Variants in ZNF804B observed in about 807,000 individuals in gnomAD.
ZNF804B encodes the protein zinc finger 804B.
In ZNF804B, 80 loss-of-function variants were observed where a neutral mutation model predicts 101.4. That is an observed-to-expected ratio of 0.79 (90% CI 0.66 to 0.95). ZNF804B has a LOEUF of 0.95. Among genes scored for constraint, ZNF804B ranks in the 40% least tolerant of loss-of-function variants. The pLI, the probability that ZNF804B is intolerant of heterozygous loss-of-function variation, is 0.00. For missense variants in ZNF804B, 1,673 were observed against 1,561.9 expected (o/e 1.07, Z -1.20); for synonymous variants, 622 against 558.8 (o/e 1.11, Z -1.59).
chr7:89,288,449 A>G (rs1024311320), intron 2 of ZNF804B, among the ~76,000 whole-genome samples: 13 of 152,186 alleles, frequency 8.5e-5, no homozygotes, highest in Non-Finnish European at 1.5e-4. Flanking sequence ...AGCAAAAACT[A>G]CAACTAAGCA....
chr7:89,094,461 C>G (rs1366521687), intron 1 of ZNF804B, among the ~76,000 whole-genome samples: 1 of 152,082 alleles, frequency 6.6e-6, no homozygotes, highest in Non-Finnish European at 1.5e-5. Context: ...GAATTGTCTG[C>G]TCTTTCCTGT....
At chr7:89,154,253 A>G (rs1002298406) in intron 1 of ZNF804B, among the ~76,000 whole-genome samples, 2 of 152,212 alleles carry the variant, frequency 1.3e-5, no homozygotes, top group African/African-American at 4.8e-5. Context: ...AAAGATGTAT[A>G]GAAAAGGGAA....
intron 2 of ZNF804B, among the ~76,000 whole-genome samples, chr7:89,261,333 T>C (rs1411975489): frequency 1.3e-5 from 2 of 152,208 alleles, no homozygotes. Context: ...ATGTATTTTG[T>C]GCAACATGAC....
intron 1 of ZNF804B, among the ~76,000 whole-genome samples, chr7:88,957,253 TTTA>T (rs1458894356): frequency 1.3e-5 from 2 of 151,492 alleles, no homozygotes; most frequent in Non-Finnish European, 3.0e-5. Flanking sequence ...ACAGCTTGTG[TTTA>T]TTGAGATGTC....
At chr7:89,093,735 C>G (rs768091343) in intron 1 of ZNF804B, among the ~76,000 whole-genome samples, 1 of 152,208 alleles carries the variant, frequency 6.6e-6, no homozygotes, top group Non-Finnish European at 1.5e-5. Flanking sequence ...AAGGAACTGC[C>G]AAATTATTTT....
At chr7:89,008,374 A>C (rs1404333466) in intron 1 of ZNF804B, among the ~76,000 whole-genome samples, 1 of 152,172 alleles carries the variant, frequency 6.6e-6, no homozygotes, top group African/African-American at 2.4e-5. Context: ...TATGCTCGCC[A>C]TTTCACTGAG....
chr7:88,911,580 T>G (rs529015934), intron 1 of ZNF804B, among the ~76,000 whole-genome samples: 1 of 151,338 alleles, frequency 6.6e-6, no homozygotes, highest in Non-Finnish European at 1.5e-5. Flanking sequence ...CAGAGCGATA[T>G]CTCTTTCTGG....
chr7:89,193,176 G>C (rs1788487281), intron 1 of ZNF804B, among the ~76,000 whole-genome samples: 1 of 151,842 alleles, frequency 6.6e-6, no homozygotes, highest in African/African-American at 2.4e-5. Flanking sequence ...AGAAATAAAG[G>C]GCTTCTAAAC....
At chr7:89,262,980 T>C (rs539682305) in intron 2 of ZNF804B, among the ~76,000 whole-genome samples, 1 of 128,720 alleles carries the variant, frequency 7.8e-6, no homozygotes, top group South Asian at 2.6e-4. Flanking sequence ...TGTAGCTTAG[T>C]TGTCCTGTAC....
chr7:88,824,897 A>G (rs930162669), intron 1 of ZNF804B, among the ~76,000 whole-genome samples: 1 of 152,208 alleles, frequency 6.6e-6, no homozygotes, highest in Admixed American at 6.5e-5. Context: ...GTTTAGAATA[A>G]ATAGCTAATG....
chr7:89,042,026 A>C (rs1363501637), intron 1 of ZNF804B, among the ~76,000 whole-genome samples: 2 of 152,264 alleles, frequency 1.3e-5, no homozygotes, highest in African/African-American at 4.8e-5. Flanking sequence ...AGAGGAGTCA[A>C]AGTGTTATAA....
intron 2 of ZNF804B, among the ~76,000 whole-genome samples, chr7:89,229,861 T>G (rs533416306): frequency 6.6e-6 from 1 of 152,176 alleles, no homozygotes; most frequent in South Asian, 2.1e-4. Flanking sequence ...ATACAAAATA[T>G]GCTCTCAAAT....
Position 89,135,427 on chromosome 7 carries a change from G to A in ZNF804B, c.109-82728G>A, listed in dbSNP as rs559625130. Among the ~76,000 whole-genome samples, 6 of 152,142 alleles carry A rather than the reference G, an allele frequency of 3.9e-5. No homozygotes were observed. The East Asian group carries it at 9.7e-4, about 25-fold the overall frequency. The stretch of plus-strand genomic sequence containing the variant: ...GACTCCTCCTTCACATCTACTGATA[G>A]TCAGATTTTCTTCTGTTTGTATCAA... On this transcript the variant is annotated intron_variant, in intron 1 of 3. Coordinates refer to ENST00000333190, the MANE Select transcript of ZNF804B (RefSeq NM_181646.5).
At chr7:88,994,787 T>G (rs1009047808) in intron 1 of ZNF804B, among the ~76,000 whole-genome samples, 2 of 152,100 alleles carry the variant, frequency 1.3e-5, no homozygotes, top group Non-Finnish European at 2.9e-5. Flanking sequence ...ATTTATTTAT[T>G]TTTTATCTTA....
At position 88,859,628 on chromosome 7, in the gene ZNF804B, A is replaced by G. The variant is rs149381677; in HGVS notation, c.108+99544A>G. ...TTGATCTGACAACTTAAATCTAACA[A>G]TTAATAAGATAATTTATAAATAATC... is the stretch of plus-strand genomic sequence containing the variant. On this transcript the variant is annotated intron_variant, in intron 1 of 3. Transcript: ENST00000333190. 7.4e-4 allele frequency among the ~76,000 whole-genome samples: 113 copies of G among 152,136 alleles called. 1 individual carries two copies. Among genetic ancestry groups the G allele is most frequent in the African/African-American group, 2.5e-3 (103 of 41,556 alleles).
chr7:88,928,850 T>A (rs1262950909), intron 1 of ZNF804B, among the ~76,000 whole-genome samples: 1 of 152,130 alleles, frequency 6.6e-6, no homozygotes, highest in African/African-American at 2.4e-5. Context: ...TGCCATTATT[T>A]TTTTCCTAGT....
chr7:89,229,474 T>C (rs1367257042), intron 2 of ZNF804B, among the ~76,000 whole-genome samples: 1 of 152,180 alleles, frequency 6.6e-6, no homozygotes, highest in African/African-American at 2.4e-5. Context: ...AAGAGGAACA[T>C]TGCATAATGA....
intron 2 of ZNF804B, among the ~76,000 whole-genome samples, chr7:89,238,682 T>C: frequency 6.6e-6 from 1 of 152,078 alleles, no homozygotes; most frequent in East Asian, 1.9e-4. Context: ...GTACGTATCA[T>C]GCTGGTTTAG....
At chr7:88,841,381 TTAAG>T (rs1211093104) in intron 1 of ZNF804B, among the ~76,000 whole-genome samples, 3 of 152,144 alleles carry the variant, frequency 2.0e-5, no homozygotes, top group Non-Finnish European at 4.4e-5. Context: ...AATCAATCTA[TTAAG>T]TAAGCCCACA....
Sources: allele counts gnomAD v4.1 joint callset (sites outside exome capture counted in the v4.1 genomes callset), GRCh38; gene constraint gnomAD v4.1.1; transcripts MANE v1.5; gene names NCBI Gene and HGNC (gene_info 2026-07-23, HGNC 2026-07-21).